QTMAN: variants seen among roughly 807,000 people sequenced by gnomAD.
The protein encoded by QTMAN is queuosine-tRNA mannosyltransferase.
the QTMAN span, among the ~76,000 whole-genome samples, chr2:143,969,446 C>T: frequency 2.0e-5 from 3 of 152,162 alleles, no homozygotes; most frequent in Non-Finnish European, 4.4e-5. Context: ...ATCATTGTGT[C>T]AAGCACTGCA....
chr2:144,074,076 G>T, the QTMAN span, among the ~76,000 whole-genome samples: 1 of 152,154 alleles, frequency 6.6e-6, no homozygotes, highest in Admixed American at 6.5e-5. Context: ...GCTCCTATTT[G>T]ATTTGTTGAA....
the QTMAN span, among the ~76,000 whole-genome samples, chr2:144,242,143 T>C: frequency 6.6e-6 from 1 of 152,140 alleles, no homozygotes; most frequent in Non-Finnish European, 1.5e-5. Context: ...AGTAGTTAAA[T>C]GGGTCCAGAT....
chr2:144,008,765 C>T, the QTMAN span, among the ~76,000 whole-genome samples: 2 of 152,052 alleles, frequency 1.3e-5, no homozygotes, highest in Non-Finnish European at 2.9e-5. Flanking sequence ...CCTCAAAGAA[C>T]GTGTAAAATG....
At chr2:144,204,738 C>T in the QTMAN span, among the ~76,000 whole-genome samples, 2 of 152,030 alleles carry the variant, frequency 1.3e-5, no homozygotes, top group Non-Finnish European at 2.9e-5. Flanking sequence ...GACTTGGAAC[C>T]AGCCCAAATG....
the QTMAN span, among the ~76,000 whole-genome samples, chr2:144,044,525 G>A: frequency 6.6e-6 from 1 of 152,076 alleles, no homozygotes; most frequent in African/African-American, 2.4e-5. Flanking sequence ...TTCAAAAGAC[G>A]TGTCAGTGGA....
chr2:144,161,995 A>G, the QTMAN span, among the ~76,000 whole-genome samples: 2 of 152,220 alleles, frequency 1.3e-5, no homozygotes, highest in African/African-American at 2.4e-5. Context: ...TCAAGTTTTC[A>G]TAGTACAAAG....
the QTMAN span, among the ~76,000 whole-genome samples, chr2:144,200,966 A>G: frequency 2.0e-5 from 3 of 152,326 alleles, no homozygotes; most frequent in Admixed American, 2.0e-4. Flanking sequence ...TCAAACTCTA[A>G]TAACTCATTC....
chr2:144,136,233 GGA>G, the QTMAN span, among the ~76,000 whole-genome samples: 1 of 151,800 alleles, frequency 6.6e-6, no homozygotes, highest in Non-Finnish European at 1.5e-5. Flanking sequence ...GGGTAAGATG[GGA>G]GAGTCACTTG....
chr2:144,126,603 C>A, the QTMAN span, among the ~76,000 whole-genome samples: 1 of 152,068 alleles, frequency 6.6e-6, no homozygotes, highest in East Asian at 1.9e-4. Flanking sequence ...TGAAACAATA[C>A]ACAAAATCAT....
At chr2:144,174,110 A>G in the QTMAN span, among the ~76,000 whole-genome samples, 1 of 152,214 alleles carries the variant, frequency 6.6e-6, no homozygotes, top group Non-Finnish European at 1.5e-5. Flanking sequence ...GATACCTTCA[A>G]ACCTTCTTAG....
the QTMAN span, among the ~76,000 whole-genome samples, chr2:144,199,425 G>A: frequency 8.1e-4 from 124 of 152,272 alleles, no homozygotes; most frequent in African/African-American, 2.8e-3. Context: ...GTAATATCAT[G>A]AGTATATAGT....
At chr2:144,238,803 C>G in the QTMAN span, among the ~76,000 whole-genome samples, 3 of 152,152 alleles carry the variant, frequency 2.0e-5, no homozygotes, top group African/African-American at 7.2e-5. Context: ...GCTTGAATTA[C>G]CATAACTTGG....
chr2:144,022,123 A>T, the QTMAN span, among the ~76,000 whole-genome samples: 35 of 152,204 alleles, frequency 2.3e-4, no homozygotes, highest in African/African-American at 8.4e-4. Flanking sequence ...TACATGAATT[A>T]TCTTGGGGAT....
chr2:144,265,335 T>A, the QTMAN span, among the ~76,000 whole-genome samples: 1 of 152,200 alleles, frequency 6.6e-6, no homozygotes, highest in African/African-American at 2.4e-5. Context: ...GCCTTTAACA[T>A]TCACATTACA....
At chr2:144,279,566 C>T in the QTMAN span, among the ~76,000 whole-genome samples, 6 of 152,110 alleles carry the variant, frequency 3.9e-5, no homozygotes, top group Admixed American at 3.9e-4. Flanking sequence ...TGGCCTCATC[C>T]TTAGGAATTC....
the QTMAN span, among the ~76,000 whole-genome samples, chr2:144,137,448 G>C: frequency 2.6e-5 from 4 of 151,818 alleles, no homozygotes; most frequent in Admixed American, 2.6e-4. Context: ...TTGTCAAGCT[G>C]TCAGTCAGCT....
chr2:144,102,171 T>C, the QTMAN span, among the ~76,000 whole-genome samples: 1 of 152,230 alleles, frequency 6.6e-6, no homozygotes, highest in East Asian at 1.9e-4. Context: ...CTATGTTTTT[T>C]CCATTACAAT....
the QTMAN span, among the ~76,000 whole-genome samples, chr2:144,299,547 T>C: frequency 8.5e-5 from 13 of 152,360 alleles, no homozygotes; most frequent in African/African-American, 3.1e-4. Context: ...AGAACAGCAC[T>C]TGGGCTCACA....
At chr2:144,273,521 C>A in the QTMAN span, among the ~76,000 whole-genome samples, 1 of 152,030 alleles carries the variant, frequency 6.6e-6, no homozygotes, top group East Asian at 1.9e-4. Flanking sequence ...CTCAAAAAGC[C>A]CAATCAACAC....
Sources: gnomAD v4.1 joint callset for allele counts (sites outside exome capture counted in the v4.1 genomes callset) on GRCh38, gnomAD v4.1.1 for gene constraint, MANE v1.5 for transcripts, NCBI Gene and HGNC (gene_info 2026-07-23, HGNC 2026-07-21) for gene names.